The following CSMD1 variants were observed in gnomAD, a reference collection of about 807,000 sequenced individuals.
CSMD1 encodes the protein CUB and sushi domain-containing protein 1.
A neutral mutation model predicts 417.5 loss-of-function variants in CSMD1; 213 were observed. That is an observed-to-expected ratio of 0.51 (90% confidence interval 0.46 to 0.57). The LOEUF is 0.57. Ranked by LOEUF, CSMD1 falls within the 20% of genes least tolerant of loss-of-function variation. The pLI is 0.00. For synonymous variants in CSMD1, 2,862 were observed against 1,736.8 expected (o/e 1.65, Z -16.11); for missense variants, 6,923 against 4,529.7 (o/e 1.53, Z -15.17).
At chr8:4,011,946 T>C (rs956161773) in intron 4 of CSMD1, among the ~76,000 whole-genome samples, 1 of 152,042 alleles carries the variant, frequency 6.6e-6, no homozygotes, top group Non-Finnish European at 1.5e-5. Context: ...CTTTAAATCA[T>C]CTCTCCATTA....
At chr8:4,418,779 G>C (rs1395215661) in intron 3 of CSMD1, among the ~76,000 whole-genome samples, 8 of 45,806 alleles carry the variant, frequency 1.7e-4, no homozygotes, top group Non-Finnish European at 2.5e-4. Context: ...GCTTTCCAAA[G>C]ATTAACTTAT....
chr8:3,971,314 C>T (rs896955459), intron 5 of CSMD1, among the ~76,000 whole-genome samples: 2 of 152,130 alleles, frequency 1.3e-5, no homozygotes, highest in Non-Finnish European at 2.9e-5. Flanking sequence ...CCTGAGTTTC[C>T]AGTGGCTGCA....
At position 4,464,133 on chromosome 8, in the gene CSMD1, G is replaced by A. The variant is rs168273; in HGVS notation, c.303-44068C>T. Among the ~76,000 whole-genome samples, 5 of 148,124 alleles carry A rather than the reference G, an allele frequency of 3.4e-5. No homozygotes were observed. In the East Asian group the frequency reaches 5.9e-4, roughly 17 times the overall value. On this transcript the variant is annotated intron_variant, in intron 2 of 69. Transcript: ENST00000635120. Reference sequence around the variant, plus strand: ...ATAGAGCTCAGAACCTTGAGTCGAAGGCTTATCCCTCCAGCTGGAATTCTA... The same window carrying A: ...ATAGAGCTCAGAACCTTGAGTCGAAAGCTTATCCCTCCAGCTGGAATTCTA...
intron 3 of CSMD1, among the ~76,000 whole-genome samples, chr8:4,129,050 T>G (rs1585377668): frequency 7.8e-6 from 1 of 128,648 alleles, no homozygotes; most frequent in Non-Finnish European, 1.6e-5. Flanking sequence ...CACTCCAGCG[T>G]GGTTACAGAG....
Position 4,228,972 on chromosome 8 carries a change from C to A in CSMD1, c.415+190981G>T, listed in dbSNP as rs529073033. Among the ~76,000 whole-genome samples, 3 of 152,154 alleles carry A rather than the reference C, an allele frequency of 2.0e-5. No individual in the cohort carries two copies. The East Asian group carries it at 5.8e-4, about 29-fold the overall frequency. Reference sequence around the variant, plus strand: ...GTGAGCCACTGAGCCAAGCCAGGACCCCTGATTTTAAAGCGCGAACCTGGA... The same window carrying A: ...GTGAGCCACTGAGCCAAGCCAGGACACCTGATTTTAAAGCGCGAACCTGGA... On this transcript the variant is annotated intron_variant, in intron 3 of 69. Coordinates refer to ENST00000635120, the MANE Select transcript of CSMD1 (RefSeq NM_033225.6).
intron 3 of CSMD1, among the ~76,000 whole-genome samples, chr8:4,138,149 TCA>T (rs1803551015): frequency 1.5e-5 from 2 of 135,314 alleles, no homozygotes; most frequent in African/African-American, 5.5e-5. Context: ...TCTCCTGACC[TCA>T]TGATCCTCCC....
At chr8:4,519,340 T>TA (rs1803301865) in intron 2 of CSMD1, among the ~76,000 whole-genome samples, 1 of 151,820 alleles carries the variant, frequency 6.6e-6, no homozygotes, top group South Asian at 2.1e-4. Context: ...GGTTCAATGA[T>TA]AAAAATGATA....
intron 5 of CSMD1, among the ~76,000 whole-genome samples, chr8:3,974,965 T>C (rs1813332964): frequency 1.3e-5 from 2 of 152,292 alleles, no homozygotes; most frequent in African/African-American, 4.8e-5. Context: ...CTGTTAAGAA[T>C]CCAGGATTTT....
chr8:4,193,951 G>A (rs1161100411), intron 3 of CSMD1, among the ~76,000 whole-genome samples: 2 of 151,836 alleles, frequency 1.3e-5, no homozygotes, highest in Admixed American at 6.6e-5. Flanking sequence ...GGGGCTGCAG[G>A]TAATTTATAT....
chr8:3,805,290 C>T (rs145739604), intron 5 of CSMD1, among the ~76,000 whole-genome samples: 200 of 152,210 alleles, frequency 1.3e-3, no homozygotes, highest in Non-Finnish European at 2.5e-3. Context: ...GAGGAAGGAG[C>T]CACAGATTCC....
chr8:3,581,495 T>C (rs144317140), intron 9 of CSMD1, among the ~76,000 whole-genome samples: 14 of 152,322 alleles, frequency 9.2e-5, no homozygotes, highest in Middle Eastern at 3.4e-3. Flanking sequence ...GATGGAAGGA[T>C]CACTTCTGAC....
At chr8:4,308,266 C>G (rs527562384) in intron 3 of CSMD1, among the ~76,000 whole-genome samples, 1 of 151,470 alleles carries the variant, frequency 6.6e-6, no homozygotes, top group South Asian at 2.1e-4. Flanking sequence ...GTGTGTGTGT[C>G]TGTTGTGTAT....
intron 11 of CSMD1, among the ~76,000 whole-genome samples, chr8:3,486,535 C>G (rs539298850): frequency 1.9e-4 from 29 of 152,096 alleles, no homozygotes; most frequent in Non-Finnish European, 5.9e-5. Flanking sequence ...TTTGGCTCCT[C>G]AGAGAAAATA....
rs78562282 is a variant in CSMD1 at position 4,403,776 on chromosome 8, T to C, written c.415+16177A>G. The stretch of plus-strand genomic sequence containing the variant: ...AGCAACTCCACTTACGTTTCCATCT[T>C]GATCCTCTCTCCTGGACTTCAGCTT... On this transcript the variant is annotated intron_variant, in intron 3 of 69. Coordinates refer to ENST00000635120, the MANE Select transcript of CSMD1 (RefSeq NM_033225.6). 4.6e-5 allele frequency among the ~76,000 whole-genome samples: 7 copies of C among 152,212 alleles called. No individual in the cohort carries two copies. The East Asian group carries it at 1.3e-3, about 29-fold the overall frequency.
At chr8:3,798,631 T>A (rs967957150) in intron 5 of CSMD1, among the ~76,000 whole-genome samples, 1 of 152,140 alleles carries the variant, frequency 6.6e-6, no homozygotes, top group African/African-American at 2.4e-5. Flanking sequence ...CCAGTACTCA[T>A]GCTATATAAA....
At chr8:4,954,522 A>T (rs1275461975) in intron 1 of CSMD1, among the ~76,000 whole-genome samples, 1 of 152,194 alleles carries the variant, frequency 6.6e-6, no homozygotes, top group Non-Finnish European at 1.5e-5. Flanking sequence ...ACCTCAATTC[A>T]TCTATAGATT....
At position 2,936,773 on chromosome 8, in the gene CSMD1, C is replaced by G. The variant is rs933168019; in HGVS notation, c.*1812G>C. On this transcript the variant is annotated 3_prime_UTR_variant, in exon 70 of 70. Transcript: ENST00000635120. ...AATGTCCGAATCAAAACGCGTGACT[C>G]TCCAAAGAATGCCCCATTTTCCTGA... 1 of 152,232 alleles carries G rather than the reference C, an allele frequency of 6.6e-6. No individual in the cohort carries two copies. The highest frequency in any genetic ancestry group is 1.5e-5 in the Non-Finnish European group (1 of 68,062). 9.4% of individuals were successfully genotyped at this position (152,232 alleles called of 1,614,324 possible). A position where few individuals can be genotyped will look rare whatever the true frequency, so the allele number is the denominator to read the frequency against.
At chr8:4,091,911 A>T (rs571723838) in intron 3 of CSMD1, among the ~76,000 whole-genome samples, 1 of 152,332 alleles carries the variant, frequency 6.6e-6, no homozygotes, top group Non-Finnish European at 1.5e-5. Context: ...TTAAATAGTC[A>T]GTGCTCCCAG....
intron 45 of CSMD1, 165 bp from the exon 46 acceptor site, chr8:3,106,806 G>A (rs1434413186): frequency 6.2e-6 from 3 of 485,352 alleles, no homozygotes; most frequent in East Asian, 3.2e-5. Flanking sequence ...ACCGTTTTAA[G>A]TTCTTAATTT....
Sources: allele counts gnomAD v4.1 joint callset (sites outside exome capture counted in the v4.1 genomes callset), GRCh38; gene constraint gnomAD v4.1.1; transcripts MANE v1.5; gene names NCBI Gene and HGNC (gene_info 2026-07-23, HGNC 2026-07-21).